The following PPARGC1B variants were observed in gnomAD, a reference collection of about 807,000 sequenced individuals.
PPARGC1B encodes peroxisome proliferator-activated receptor gamma coactivator 1-beta.
In PPARGC1B, 34 loss-of-function variants were observed where a neutral mutation model predicts 101.6. That is an observed-to-expected ratio of 0.33 (90% CI 0.25 to 0.45). The LOEUF is 0.45. Among genes scored for constraint, PPARGC1B ranks in the 20% least tolerant of loss-of-function variants. The probability of loss-of-function intolerance (pLI) is 1.00; values close to 1 mark genes in which losing one functional copy is unlikely to be tolerated. For missense variants in PPARGC1B, 1,234 were observed against 1,317.6 expected (o/e 0.94, Z 0.98); for synonymous variants, 548 against 539.3 (o/e 1.02, Z -0.22).
intron 2 of PPARGC1B, 39 bp from the exon 3 acceptor site, chr5:149,826,634 C>G: frequency 6.7e-7 from 1 of 1,495,640 alleles, no homozygotes; most frequent in Non-Finnish European, 9.3e-7. Flanking sequence ...AACCATCTCC[C>G]CATCTGCCTT....
chr5:149,841,815 A>C (rs1759349478), intron 9 of PPARGC1B, among the ~76,000 whole-genome samples: 1 of 152,154 alleles, frequency 6.6e-6, no homozygotes, highest in Non-Finnish European at 1.5e-5. Context: ...TTGCCCAGGC[A>C]AAACCAATAT....
intron 1 of PPARGC1B, chr5:149,732,895 G>A: frequency 2.2e-6 from 1 of 453,664 alleles, no homozygotes; most frequent in African/African-American, 2.0e-5. Flanking sequence ...AGGCCTGAGT[G>A]GAGTCACCTT....
At position 149,833,731 on chromosome 5, in the gene PPARGC1B, G is replaced by A. The variant is rs1434005292; in HGVS notation, c.1658G>A (p.Cys553Tyr). Residue 553 changes from cysteine (C) to tyrosine (Y), a missense_variant, in exon 5 of 12, where the codon TGT becomes TAT. Cys to Tyr is a radical substitution (Grantham distance 194, BLOSUM62 -2). Transcript: ENST00000309241. This position sits in a 1 kb window ranked among gnomAD's most constrained non-coding sequence, Gnocchi z 4.1. ...PALESPCESG[C>Y]GDMDEDPSCP... ...CTGGAGAGCCCCTGTGAGAGTGGGT[G>A]TGGGGACATGGATGAGGACCCCAGC... The A allele has an allele frequency of 1.3e-6, 2 of 1,586,756 alleles. No individual in the cohort carries two copies. The highest frequency in any genetic ancestry group is 1.7e-5 in the Admixed American group (1 of 57,904).
At chr5:149,856,771 C>CTTTTTTT (rs562000427), downstream of PPARGC1B, among the ~76,000 whole-genome samples, 1 of 129,118 alleles carries the variant, frequency 7.7e-6, no homozygotes. Flanking sequence ...AGCTGCTTGG[C>CTTTTTTT]TTTTTTTTTT....
intron 1 of PPARGC1B, among the ~76,000 whole-genome samples, chr5:149,802,587 T>C (rs913845857): frequency 6.6e-6 from 1 of 151,206 alleles, no homozygotes; most frequent in Non-Finnish European, 1.5e-5. Flanking sequence ...TTTGGACAGC[T>C]GTTACCTGCC....
intron 1 of PPARGC1B, among the ~76,000 whole-genome samples, chr5:149,796,382 G>GC (rs2113274980): frequency 6.6e-6 from 1 of 152,332 alleles, no homozygotes; most frequent in African/African-American, 2.4e-5. Context: ...GGCAGAAAGT[G>GC]GCAGAAGAGG....
chr5:149,829,942 G>C (rs1053063251), intron 3 of PPARGC1B, among the ~76,000 whole-genome samples: 3 of 149,152 alleles, frequency 2.0e-5, no homozygotes, highest in African/African-American at 7.4e-5. Flanking sequence ...GGCTGAGGCA[G>C]GAGAATCGCT....
intron 2 of PPARGC1B, among the ~76,000 whole-genome samples, chr5:149,824,694 C>A (rs1255698546): frequency 6.6e-6 from 1 of 152,134 alleles, no homozygotes; most frequent in Non-Finnish European, 1.5e-5. Context: ...GGGAGTCTGG[C>A]CTGAGGGTTG....
At chr5:149,744,217 C>T (rs1755006822) in intron 1 of PPARGC1B, among the ~76,000 whole-genome samples, 1 of 152,242 alleles carries the variant, frequency 6.6e-6, no homozygotes, top group African/African-American at 2.4e-5. Context: ...TGGCACCTTT[C>T]CTGCCTAGGG....
chr5:149,847,162 TGGG>T (rs1277300828), intron 11 of PPARGC1B: 4 of 518,812 alleles, frequency 7.7e-6, no homozygotes, highest in Non-Finnish European at 1.4e-5. Flanking sequence ...GAGAAGCTGT[TGGG>T]GGAAGTAGAG....
chr5:149,804,840 G>A (rs571251302), intron 1 of PPARGC1B, among the ~76,000 whole-genome samples: 86 of 152,332 alleles, frequency 5.6e-4, no homozygotes, highest in African/African-American at 2.0e-3. Context: ...CCATGGGAAG[G>A]AAGAAGGCCA....
rs1758846620 is a variant in PPARGC1B at position 149,832,760 on chromosome 5, T to A, written c.687T>A (p.Asp229Glu). Reference protein sequence around the residue: ...HLTSAQCCLQDRGLQPPCLQS... With the variant: ...HLTSAQCCLQERGLQPPCLQS... ...CCTCGGCACAGTGCTGCCTGCAGGA[T>A]CGGGGTCTGCAGCCACCATGCCTCC... The change falls in exon 5 of 12, where the codon GAT (aspartate) becomes GAA (glutamate). Residue 229 changes from aspartate (D) to glutamate (E), a missense_variant. Asp to Glu is a conservative substitution (Grantham distance 45, BLOSUM62 2). Transcript: ENST00000309241. The surrounding 1 kb of genome is among the most constrained non-coding windows in gnomAD (Gnocchi z 4.9). 1.2e-6 allele frequency: 2 copies of A among 1,612,636 alleles called. No individual in the cohort carries two copies. Among genetic ancestry groups the A allele is most frequent in the African/African-American group, 1.3e-5 (1 of 74,838 alleles).
intron 1 of PPARGC1B, among the ~76,000 whole-genome samples, chr5:149,739,690 G>A (rs1754844370): frequency 1.3e-5 from 2 of 152,206 alleles, no homozygotes; most frequent in Non-Finnish European, 2.9e-5. Flanking sequence ...CTGAGTGGCT[G>A]GGCTTTGGAT....
At chr5:149,777,197 G>T (rs1463296345) in intron 1 of PPARGC1B, among the ~76,000 whole-genome samples, 1 of 152,162 alleles carries the variant, frequency 6.6e-6, no homozygotes, top group Admixed American at 6.5e-5. Context: ...AAAGCACTTA[G>T]TATATGCCCT....
chr5:149,836,706 G>A lies in PPARGC1B; in HGVS notation c.2251G>A (p.Asp751Asn). 6.8e-6 allele frequency: 11 copies of A among 1,613,742 alleles called. No individual in the cohort carries two copies. Among genetic ancestry groups the A allele is most frequent in the Non-Finnish European group, 7.6e-6 (9 of 1,180,010 alleles). ...RSCDAGAPPK[D>N]STLLRDHEIR... ...CTGTGATGCTGGCGCCCCACCCAAG[G>A]ACAGCACGCTGCTGAGAGACCATGA... Residue 751 changes from aspartate (D) to asparagine (N), a missense_variant, in exon 8 of 12, where the codon GAC becomes AAC. This residue lies in a region of PPARGC1B where 497 missense variants were observed against 529.5 expected (regional missense o/e 0.94). Transcript: ENST00000309241.
intron 1 of PPARGC1B, among the ~76,000 whole-genome samples, chr5:149,734,508 C>T (rs1754619121): frequency 6.6e-6 from 1 of 151,452 alleles, no homozygotes; most frequent in African/African-American, 2.4e-5. Flanking sequence ...GAAGATTGAA[C>T]CGAGATGTAT....
At chr5:149,751,402 G>A (rs1755296816) in intron 1 of PPARGC1B, among the ~76,000 whole-genome samples, 1 of 152,148 alleles carries the variant, frequency 6.6e-6, no homozygotes, top group African/African-American at 2.4e-5. Flanking sequence ...ATAGGTAAGA[G>A]AAAGTAAAGA....
At chr5:149,747,521 C>T (rs1246399439) in intron 1 of PPARGC1B, among the ~76,000 whole-genome samples, 2 of 152,246 alleles carry the variant, frequency 1.3e-5, no homozygotes, top group South Asian at 4.1e-4. Flanking sequence ...CAGGGCCCAG[C>T]AGGCAGGCAT....
intron 1 of PPARGC1B, among the ~76,000 whole-genome samples, chr5:149,772,889 G>A (rs1258249177): frequency 1.3e-5 from 2 of 152,176 alleles, no homozygotes; most frequent in African/African-American, 4.8e-5. Flanking sequence ...TTGTGACCTT[G>A]TGAAGATATT....
Sources: gnomAD v4.1 joint callset for allele counts (sites outside exome capture counted in the v4.1 genomes callset) on GRCh38, gnomAD v4.1.1 for gene constraint, gnomAD v4.1.1 regional missense constraint, Gnocchi (gnomAD v3.1) non-coding constraint, MANE v1.5 for transcripts, NCBI Gene and HGNC (gene_info 2026-07-23, HGNC 2026-07-21) for gene names.